NDUFV1: variants seen among roughly 807,000 people sequenced by gnomAD.
NDUFV1 encodes NADH:ubiquinone oxidoreductase core subunit V1, also known as NADH dehydrogenase [ubiquinone] flavoprotein 1, mitochondrial.
NDUFV1 carries 41 observed loss-of-function variants against 48.7 expected under a neutral mutation model. The ratio of observed to expected loss-of-function variants is 0.84; its 90% CI spans 0.66 to 1.09. The LOEUF is 1.09. NDUFV1 is among the 50% of genes least tolerant of loss of function. The pLI is 0.00. For synonymous variants in NDUFV1, 231 were observed against 259.1 expected (o/e 0.89, Z 1.04); for missense variants, 580 against 645.4 (o/e 0.90, Z 1.10).
intron 1 of NDUFV1, chr11:67,608,170 G>C (rs565968844): frequency 3.5e-6 from 2 of 577,382 alleles, no homozygotes; most frequent in Admixed American, 6.0e-5. Context: ...AGTTTGCAGT[G>C]AGCTGAGATT....
intron 1 of NDUFV1, among the ~76,000 whole-genome samples, chr11:67,608,039 C>T (rs1290336914): frequency 6.6e-6 from 1 of 152,030 alleles, no homozygotes; most frequent in Non-Finnish European, 1.5e-5. Context: ...CCAGCCTGGC[C>T]AATATGGTGA....
intron 3 of NDUFV1, among the ~76,000 whole-genome samples, chr11:67,609,033 TATC>T (rs1486387769): frequency 2.0e-5 from 3 of 152,198 alleles, no homozygotes; most frequent in Admixed American, 6.5e-5. Context: ...GGTACAGTGA[TATC>T]ATGCAAGGAT....
rs921833941 is a variant in NDUFV1 at position 67,608,550 on chromosome 11, A to G, written c.156-2A>G. 11 of 1,614,164 alleles carry G rather than the reference A, an allele frequency of 6.8e-6. No individual in the cohort carries two copies. Among genetic ancestry groups the G allele is most frequent in the Non-Finnish European group, 7.6e-6 (9 of 1,180,026 alleles). ...CTTCATTGCCTTCCCTATTCTGTCC[A>G]GGCTGAAAGGTTCCCTGAGTCGAGG... On this transcript the variant is annotated splice_acceptor_variant, in intron 2 of 9. Coordinates refer to ENST00000322776, the MANE Select transcript of NDUFV1 (RefSeq NM_007103.4). LOFTEE classifies it high-confidence loss of function.
chr11:67,608,350 C>CA, intron 1 of NDUFV1, 46 bp from the exon 2 acceptor site: 1 of 1,555,058 alleles, frequency 6.4e-7, no homozygotes, highest in Non-Finnish European at 8.9e-7. Flanking sequence ...CCCAATCCCT[C>CA]ATGGCCCCAG....
rs1345572239 is a variant in NDUFV1 at position 67,606,975 on chromosome 11, A to G, written c.-30A>G. 1 of 1,602,972 alleles carries G rather than the reference A, an allele frequency of 6.2e-7. No homozygotes were observed. The highest frequency in any genetic ancestry group is 8.5e-7 in the Non-Finnish European group (1 of 1,175,600). On this transcript the variant is annotated 5_prime_UTR_variant, in exon 1 of 10. Transcript: ENST00000322776. ...TCAGCCTCAGTGCTATGAAGGTGAC[A>G]GCGTGAGGTGACCCATCTGGCCCGC...
rs754023854 is a variant in NDUFV1 at position 67,611,142 on chromosome 11, A to G, written c.848A>G (p.Asn283Ser). The G allele has an allele frequency of 3.1e-6, 5 of 1,614,054 alleles. No homozygotes were observed. The highest frequency in any genetic ancestry group is 1.7e-5 in the Admixed American group (1 of 59,998). The change falls in exon 6 of 10, where the codon AAC becomes AGC. Residue 283 changes from asparagine to serine, a missense_variant. Asn to Ser is a conservative substitution (Grantham distance 46). Transcript: ENST00000322776. The surrounding 1 kb of genome is among the most constrained non-coding windows in gnomAD (Gnocchi z 4.2). The part of the protein sequence containing the change: ...TKLFNISGHV[N>S]HPCTVEEEMS... ...CTATTCAACATCTCTGGCCATGTCA[A>G]CCACCCTTGCACTGTGGAGGAGGAG...
In NDUFV1 at chr11:67,612,054, C is replaced by T; in HGVS notation, c.1163-66C>T. The T allele has an allele frequency of 6.2e-7, 1 of 1,613,692 alleles. No individual in the cohort carries two copies. The highest frequency in any genetic ancestry group is 8.5e-7 in the Non-Finnish European group (1 of 1,179,976). On this transcript the variant is annotated intron_variant, in intron 8 of 9. Transcript: ENST00000322776. This position sits in a 1 kb window ranked among gnomAD's most constrained non-coding sequence, Gnocchi z 4.4. The stretch of plus-strand genomic sequence containing the variant: ...CCTCCCCACCACGTGGCCTGCAGCC[C>T]TCAAGCGCCGCCCCACATCCTGGCT...
In NDUFV1 at chr11:67,611,148, C is replaced by G. The variant is rs1854906838; in HGVS notation, c.854C>G (p.Pro285Arg). The G allele has an allele frequency of 1.9e-6, 3 of 1,614,212 alleles. No homozygotes were observed. The East Asian group carries it at 6.7e-5, about 36-fold the overall frequency. ...LFNISGHVNH[P>R]CTVEEEMSVP... ...AACATCTCTGGCCATGTCAACCACC[C>G]TTGCACTGTGGAGGAGGAGATGTCT... Residue 285 changes from proline to arginine, a missense_variant, in exon 6 of 10, where the codon CCT (proline) becomes CGT (arginine). Physicochemically the swap from Pro to Arg is moderately radical, Grantham distance 103 (BLOSUM62 -2). Transcript: ENST00000322776. The surrounding 1 kb of genome is among the most constrained non-coding windows in gnomAD (Gnocchi z 4.2).
Position 67,611,009 on chromosome 11 carries a change from C to T in NDUFV1, c.715C>T (p.Pro239Ser), listed in dbSNP as rs1345000220. Residue 239 changes from proline (P) to serine (S), a missense_variant, in exon 6 of 10, where the codon CCC becomes TCC. Coordinates refer to ENST00000322776, the MANE Select transcript of NDUFV1 (RefSeq NM_007103.4). The surrounding 1 kb of genome is among the most constrained non-coding windows in gnomAD (Gnocchi z 4.2). The part of the protein sequence containing the change: ...FPADVGVFGC[P>S]TTVANVETVA... ...TTTCCCTGAAGGAGTGTTTGGCTGC[C>T]CCACAACTGTGGCCAACGTGGAGAC... The T allele has an allele frequency of 1.9e-6, 3 of 1,614,120 alleles. No homozygotes were observed. The African/African-American group carries it at 4.0e-5, about 22-fold the overall frequency.
chr11:67,609,491 G>T lies in NDUFV1; in HGVS notation c.366G>T (p.Pro122=), dbSNP rs140445386. ...TGGTGAACGCAGACGAGGGGGAGCC[G>T]GGCACCTGCAAGGACCGGGAGATCT... The part of the protein sequence containing the change: ...YLVVNADEGE[P]GTCKDREILR... The change falls in exon 4 of 10, where the codon CCG becomes CCT. Residue 122 remains proline, a synonymous_variant. Transcript: ENST00000322776. 35 of 1,613,562 alleles carry T rather than the reference G, an allele frequency of 2.2e-5. No homozygotes were observed. Among genetic ancestry groups the T allele is most frequent in the Middle Eastern group, 1.6e-4 (1 of 6,082 alleles).
chr11:67,612,009 G>A lies in NDUFV1; in HGVS notation c.1162+31G>A. ...CATCGGGCAGGTTGGGGGCTTGCTT[G>A]CTGTGGCTTCATTTAACCTCCTCCC... On this transcript the variant is annotated intron_variant, in intron 8 of 9. Transcript: ENST00000322776. This position sits in a 1 kb window ranked among gnomAD's most constrained non-coding sequence, Gnocchi z 4.4. 6.2e-7 allele frequency: 1 copy of A among 1,613,656 alleles called. No homozygotes were observed. The highest frequency in any genetic ancestry group is 8.5e-7 in the Non-Finnish European group (1 of 1,179,936).
In NDUFV1 at chr11:67,606,974, C is replaced by T. The variant is rs1287207969; in HGVS notation, c.-31C>T. Reference sequence around the variant, plus strand: ...CTCAGCCTCAGTGCTATGAAGGTGACAGCGTGAGGTGACCCATCTGGCCCG... The same window carrying T: ...CTCAGCCTCAGTGCTATGAAGGTGATAGCGTGAGGTGACCCATCTGGCCCG... On this transcript the variant is annotated 5_prime_UTR_variant, in exon 1 of 10. Transcript: ENST00000322776. The T allele has an allele frequency of 6.2e-7, 1 of 1,602,114 alleles. No homozygotes were observed. Among genetic ancestry groups the T allele is most frequent in the South Asian group, 1.1e-5 (1 of 89,246 alleles).
intron 3 of NDUFV1, among the ~76,000 whole-genome samples, chr11:67,609,156 C>T (rs1310674474): frequency 6.6e-6 from 1 of 152,176 alleles, no homozygotes; most frequent in Non-Finnish European, 1.5e-5. Flanking sequence ...TTGAGGAATG[C>T]TCTTTGTCAC....
At chr11:67,607,955 G>A (rs984969591) in intron 1 of NDUFV1, among the ~76,000 whole-genome samples, 3 of 152,212 alleles carry the variant, frequency 2.0e-5, no homozygotes, top group African/African-American at 7.2e-5. Context: ...GGCCGGGCGC[G>A]GTGGCTCACG....
chr11:67,608,443 G>C lies in NDUFV1; in HGVS notation c.120G>C (p.Arg40=). 1.2e-6 allele frequency: 2 copies of C among 1,614,168 alleles called. No individual in the cohort carries two copies. The highest frequency in any genetic ancestry group is 8.5e-7 in the Non-Finnish European group (1 of 1,180,030). Residue 40 remains arginine, a synonymous_variant, in exon 2 of 10, where the codon CGG becomes CGC. Coordinates refer to ENST00000322776, the MANE Select transcript of NDUFV1 (RefSeq NM_007103.4). ...TSFGSLKDED[R]IFTNLYGRHD... ...TTGGCTCGCTGAAGGATGAAGACCGGATTTTCACCAACCTGTACGGCCGCC... is the reference window on the plus strand; with the variant it reads ...TTGGCTCGCTGAAGGATGAAGACCGCATTTTCACCAACCTGTACGGCCGCC...
intron 5 of NDUFV1, 29 bp downstream of exon 5, chr11:67,610,599 CTG>C (rs766743662): frequency 8.1e-6 from 13 of 1,611,902 alleles, no homozygotes; most frequent in Admixed American, 1.7e-5. Flanking sequence ...CTGGGTCAGA[CTG>C]TGTCCTGTGA....
chr11:67,608,479 G>T lies in NDUFV1; in HGVS notation c.155+1G>T. 6.2e-7 allele frequency: 1 copy of T among 1,614,174 alleles called. No individual in the cohort carries two copies. The highest frequency in any genetic ancestry group is 8.5e-7 in the Non-Finnish European group (1 of 1,180,022). On this transcript the variant is annotated splice_donor_variant, in intron 2 of 9. Coordinates refer to ENST00000322776, the MANE Select transcript of NDUFV1 (RefSeq NM_007103.4). LOFTEE classifies it high-confidence loss of function. Reference sequence around the variant, plus strand: ...ACCTGTACGGCCGCCATGACTGGAGGTGAGACAGTGCCCTTAGTGTGTTGG... The same window carrying T: ...ACCTGTACGGCCGCCATGACTGGAGTTGAGACAGTGCCCTTAGTGTGTTGG...
chr11:67,608,058 C>G (rs970425674), intron 1 of NDUFV1, among the ~76,000 whole-genome samples: 1 of 152,068 alleles, frequency 6.6e-6, no homozygotes, highest in East Asian at 1.9e-4. Flanking sequence ...GAAACCCTGT[C>G]TCTACTAAAA....
In NDUFV1 at chr11:67,612,026, C is replaced by T. The variant is rs1854926769; in HGVS notation, c.1162+48C>T. On this transcript the variant is annotated intron_variant, in intron 8 of 9. Coordinates refer to ENST00000322776, the MANE Select transcript of NDUFV1 (RefSeq NM_007103.4). The surrounding 1 kb of genome is among the most constrained non-coding windows in gnomAD (Gnocchi z 4.4). ...GCTTGCTTGCTGTGGCTTCATTTAA[C>T]CTCCTCCCCACCACGTGGCCTGCAG... 1.2e-6 allele frequency: 2 copies of T among 1,613,412 alleles called. No homozygotes were observed. The highest frequency in any genetic ancestry group is 1.1e-5 in the South Asian group (1 of 91,076).
Sources: allele counts gnomAD v4.1 joint callset (sites outside exome capture counted in the v4.1 genomes callset), GRCh38; gene constraint gnomAD v4.1.1; non-coding constraint Gnocchi (gnomAD v3.1); transcripts MANE v1.5; gene names NCBI Gene and HGNC (gene_info 2026-07-23, HGNC 2026-07-21).